The following DNMT3B variants were observed in gnomAD, a reference collection of about 807,000 sequenced individuals.
DNMT3B encodes the protein DNA methyltransferase 3 beta.
A neutral mutation model predicts 120.2 loss-of-function variants in DNMT3B; 37 were observed. That is an observed-to-expected ratio of 0.31 (90% CI 0.24 to 0.40). The LOEUF (loss-of-function observed/expected upper bound fraction) is 0.40, where lower values mean the gene tolerates loss of function less well. Ranked by LOEUF, DNMT3B falls within the 10% of genes least tolerant of loss-of-function variation. DNMT3B has a pLI of 1.00. For missense variants in DNMT3B, 878 were observed against 1,137.3 expected, an observed-to-expected ratio of 0.77 and a Z score of 3.28; for synonymous variants, 412 against 442.8, an observed-to-expected ratio of 0.93 and a Z score of 0.87.
At position 32,801,290 on chromosome 20, in the gene DNMT3B, G is replaced by A; in HGVS notation, c.2009G>A (p.Arg670Gln). 1 of 1,614,124 alleles carries A rather than the reference G, an allele frequency of 6.2e-7. No homozygotes were observed. Among genetic ancestry groups the A allele is most frequent in the South Asian group, 1.1e-5 (1 of 91,070 alleles). Residue 670 changes from arginine (R) to glutamine (Q), a missense_variant, in exon 19 of 23, where the codon CGG becomes CAG. Coordinates refer to ENST00000328111, the MANE Select transcript of DNMT3B (RefSeq NM_006892.4). ...ARKGLYEGTG[R>Q]LFFEFYHLLN... ...TTTCTGAGCACAGAGGGTACAGGCC[G>A]GCTCTTCTTCGAATTTTACCACCTG...
rs2146018373 is a variant in DNMT3B at position 32,797,182 on chromosome 20, G to A, written c.1378-5G>A. 1 of 1,613,286 alleles carries A rather than the reference G, an allele frequency of 6.2e-7. No individual in the cohort carries two copies. On this transcript the variant is annotated splice_polypyrimidine_tract_variant and splice_region_variant and intron_variant, in intron 13 of 22. Transcript: ENST00000328111. ...ATTTCACTGGTGTTTCTCTCTGGCT[G>A]CCAGGATCGCTTCCTTGAGCTGTTT...
chr20:32,795,774 C>T, intron 12 of DNMT3B, 80 bp downstream of exon 12: 2 of 1,571,506 alleles, frequency 1.3e-6, no homozygotes, highest in Non-Finnish European at 1.7e-6. Flanking sequence ...CTCATCCACC[C>T]TGTCAGGGTT....
At chr20:32,795,570 G>A (rs374187912) in intron 11 of DNMT3B, 36 bp downstream of exon 11, 110 of 1,613,926 alleles carry the variant, frequency 6.8e-5, no homozygotes, top group Non-Finnish European at 8.3e-5. Flanking sequence ...GGGACAGATG[G>A]GAGGAGGACG....
intron 19 of DNMT3B, 75 bp from the exon 20 acceptor site, chr20:32,802,310 G>A (rs1981442949): frequency 1.3e-6 from 2 of 1,493,856 alleles, no homozygotes; most frequent in Non-Finnish European, 1.9e-6. Flanking sequence ...GAATAGCCCT[G>A]TCACCTGCAA....
At chr20:32,774,148 C>T (rs138776949) in intron 1 of DNMT3B, among the ~76,000 whole-genome samples, 1 of 151,954 alleles carries the variant, frequency 6.6e-6, no homozygotes, top group South Asian at 2.1e-4. Flanking sequence ...TTCCCGCTCT[C>T]TACTTCACCT....
chr20:32,776,284 A>G (rs1487627971), intron 1 of DNMT3B, among the ~76,000 whole-genome samples: 1 of 151,916 alleles, frequency 6.6e-6, no homozygotes, highest in East Asian at 1.9e-4. Context: ...TACAGTAAGT[A>G]GGGCCCTGGG....
In DNMT3B at chr20:32,776,083, G is replaced by C. The variant is rs182031927; in HGVS notation, c.-6-4235G>C. On this transcript the variant is annotated intron_variant, in intron 1 of 22. Coordinates refer to ENST00000328111, the MANE Select transcript of DNMT3B (RefSeq NM_006892.4). ...GTCTCTTCTAAAAATACAAAAATTA[G>C]CCAGGCATGGTGGTGCAAGTCTGTA... Among the ~76,000 whole-genome samples the C allele has an allele frequency of 1.7e-3, 257 of 152,280 alleles. 1 individual carries two copies. Among genetic ancestry groups the C allele is most frequent in the African/African-American group, 5.8e-3 (242 of 41,570 alleles).
At chr20:32,795,277 ACATT>A in intron 10 of DNMT3B, 128 bp from the exon 11 acceptor site, 1 of 1,389,994 alleles carries the variant, frequency 7.2e-7, no homozygotes, top group Non-Finnish European at 1.0e-6. Context: ...GGGGCCATAT[ACATT>A]CAGTGTGGAC....
At position 32,786,526 on chromosome 20, in the gene DNMT3B, G is replaced by A. The variant is rs534208434; in HGVS notation, c.331G>A (p.Val111Ile). The A allele has an allele frequency of 1.2e-5, 19 of 1,613,920 alleles. No homozygotes were observed. Among genetic ancestry groups the A allele is most frequent in the Middle Eastern group, 3.3e-4 (2 of 6,084 alleles). The change falls in exon 5 of 23, where the codon GTC becomes ATC. Residue 111 changes from valine (V) to isoleucine (I), a missense_variant. Around this residue, in one of 4 missense-constraint regions of DNMT3B, gnomAD observed 287 missense variants for 306.2 expected, o/e 0.94. Transcript: ENST00000328111. ...PAVRTRNNNSVSSRERHRPSP... is the reference protein window; with the variant it reads ...PAVRTRNNNSISSRERHRPSP... ...GGTCCGAACTCGAAATAACAACAGT[G>A]TCTCCAGCCGGGAGAGGCACAGGCC...
chr20:32,780,002 T>C, intron 1 of DNMT3B: 1 of 1,391,296 alleles, frequency 7.2e-7, no homozygotes. Flanking sequence ...CTAAATGGCA[T>C]TGTTTGAAGG....
chr20:32,766,243 T>C (rs1987359871), intron 1 of DNMT3B, among the ~76,000 whole-genome samples: 1 of 152,176 alleles, frequency 6.6e-6, no homozygotes, highest in South Asian at 2.1e-4. Flanking sequence ...ACTGGGAGGC[T>C]GAGGCACGAG....
At chr20:32,779,138 G>C (rs1204931702) in intron 1 of DNMT3B, among the ~76,000 whole-genome samples, 1 of 152,232 alleles carries the variant, frequency 6.6e-6, no homozygotes, top group Non-Finnish European at 1.5e-5. Flanking sequence ...GGTGTGGTGT[G>C]AGTGACCTGG....
In DNMT3B at chr20:32,800,865, A is replaced by G. The variant is rs774431732; in HGVS notation, c.1936A>G (p.Ile646Val). 4 of 1,614,140 alleles carry G rather than the reference A, an allele frequency of 2.5e-6. No homozygotes were observed. The South Asian group carries it at 3.3e-5, about 13-fold the overall frequency. Residue 646 changes from isoleucine to valine, a missense_variant, in exon 18 of 23, where the codon ATT becomes GTT. By Grantham distance (29) the Ile-to-Val change is conservative. Transcript: ENST00000328111. ...IEEWGPFDLV[I>V]GGSPCNDLSN... ...AGAATGGGGCCCATTTGACTTGGTGATTGGCGGAAGCCCATGCAACGATCT... is the reference window on the plus strand; with the variant it reads ...AGAATGGGGCCCATTTGACTTGGTGGTTGGCGGAAGCCCATGCAACGATCT...
chr20:32,797,068 G>C (rs750500302), intron 13 of DNMT3B, 119 bp from the exon 14 acceptor site: 2 of 1,604,800 alleles, frequency 1.2e-6, no homozygotes, highest in African/African-American at 2.7e-5. Flanking sequence ...TCCTTTTAAA[G>C]GACACCAAGC....
chr20:32,773,117 CTT>C (rs11449585), intron 1 of DNMT3B, among the ~76,000 whole-genome samples: 2 of 143,962 alleles, frequency 1.4e-5, no homozygotes, highest in African/African-American at 2.6e-5. Context: ...CTGTGCCTGG[CTT>C]TTTTTTTTTT....
At position 32,787,436 on chromosome 20, in the gene DNMT3B, C is replaced by T. The variant is rs1979459299; in HGVS notation, c.639C>T (p.Asp213=). 1 of 1,613,952 alleles carries T rather than the reference C, an allele frequency of 6.2e-7. No homozygotes were observed. The highest frequency in any genetic ancestry group is 1.7e-5 in the Admixed American group (1 of 59,984). Residue 213 remains aspartate, a synonymous_variant, in exon 6 of 23, where the codon GAC becomes GAT. Coordinates refer to ENST00000328111, the MANE Select transcript of DNMT3B (RefSeq NM_006892.4). ...PQVEADSGDG[D]SSEYQDGKEF... ...TGGAGGCAGACAGTGGAGATGGAGACAGTTCAGAGTATCAGGTATGGCCGA... is the reference window on the plus strand; with the variant it reads ...TGGAGGCAGACAGTGGAGATGGAGATAGTTCAGAGTATCAGGTATGGCCGA...
chr20:32,791,860 G>A (rs1432790022), intron 8 of DNMT3B, 152 bp downstream of exon 8: 4 of 755,798 alleles, frequency 5.3e-6, no homozygotes, highest in African/African-American at 1.7e-5. Flanking sequence ...GATGGCCACC[G>A]GATTGGGCCT....
chr20:32,807,850 C>T lies in DNMT3B; in HGVS notation c.2509C>T (p.Pro837Ser). ...GCTGCTGGGAAGGTCCTGGAGCGTG[C>T]CTGTCATCCGACACCTCTTCGCCCC... ...QKLLGRSWSV[P>S]VIRHLFAPLK... The change falls in exon 23 of 23, where the codon CCT becomes TCT. Residue 837 changes from proline (P) to serine (S), a missense_variant. By Grantham distance (74) the Pro-to-Ser change is moderately conservative (BLOSUM62 -1). Transcript: ENST00000328111. 6.2e-7 allele frequency: 1 copy of T among 1,614,226 alleles called. No homozygotes were observed. Among genetic ancestry groups the T allele is most frequent in the Non-Finnish European group, 8.5e-7 (1 of 1,180,038 alleles).
In DNMT3B at chr20:32,784,740, T is replaced by C. The variant is rs765008764; in HGVS notation, c.205-18T>C. 3.7e-6 allele frequency: 6 copies of C among 1,613,880 alleles called. No homozygotes were observed. Among genetic ancestry groups the C allele is most frequent in the Non-Finnish European group, 5.1e-6 (6 of 1,179,814 alleles). On this transcript the variant is annotated intron_variant, in intron 3 of 22. Coordinates refer to ENST00000328111, the MANE Select transcript of DNMT3B (RefSeq NM_006892.4). The stretch of plus-strand genomic sequence containing the variant: ...TACCCTGGGGTCTTCATCATGTTCA[T>C]CATGTTTCCTTATAAAGGACTTGAC...
Sources: allele counts gnomAD v4.1 joint callset (sites outside exome capture counted in the v4.1 genomes callset), GRCh38; gene constraint gnomAD v4.1.1; regional missense constraint gnomAD v4.1.1; transcripts MANE v1.5; gene names NCBI Gene and HGNC (gene_info 2026-07-23, HGNC 2026-07-21).